INSL6: variants seen among roughly 807,000 people sequenced by gnomAD.
INSL6 encodes the protein insulin-like peptide INSL6.
In INSL6, 16 loss-of-function variants were observed where a neutral mutation model predicts 9.4. The observed-to-expected ratio is 1.70, with a 90% CI of 1.15 to 2.59. The LOEUF (loss-of-function observed/expected upper bound fraction) is 2.59, where lower values mean the gene tolerates loss of function less well. INSL6 is among the 30% of genes most tolerant of loss of function. INSL6 has a pLI of 0.00. For synonymous variants in INSL6, 154 were observed against 96.9 expected, an observed-to-expected ratio of 1.59 and a Z score of -3.46; for missense variants, 391 against 257.3, an observed-to-expected ratio of 1.52 and a Z score of -3.56.
the INSL6 span, among the ~76,000 whole-genome samples, chr9:5,009,170 G>A: frequency 6.6e-6 from 1 of 152,212 alleles, no homozygotes; most frequent in African/African-American, 2.4e-5. Context: ...TGGAATGGAT[G>A]AGCAAATTGG....
chr9:5,155,379 G>A (rs1037135576), intron 2 of INSL6, among the ~76,000 whole-genome samples: 1 of 150,290 alleles, frequency 6.7e-6, no homozygotes, highest in Non-Finnish European at 1.5e-5. Flanking sequence ...AATGTTAAAT[G>A]ATGAGTTAAT....
At chr9:5,034,611 A>C in the INSL6 span, among the ~76,000 whole-genome samples, 2 of 152,230 alleles carry the variant, frequency 1.3e-5, no homozygotes, top group South Asian at 2.1e-4. Context: ...ACTACATGGA[A>C]ACTGAACAAC....
At chr9:5,103,221 C>CAAAAAAAAAAAAAAAA in the INSL6 span, among the ~76,000 whole-genome samples, 5 of 6,872 alleles carry the variant, frequency 7.3e-4, 1 homozygote, top group African/African-American at 1.2e-3. Flanking sequence ...AAAGGGAAAG[C>CAAAAAAAAAAAAAAAA]AAAAAAAAAA....
the INSL6 span, chr9:5,050,662 T>G: frequency 6.2e-7 from 1 of 1,602,140 alleles, no homozygotes; most frequent in Admixed American, 1.7e-5. Context: ...CGATGAGATA[T>G]TTCCTTCAAA....
the INSL6 span, chr9:5,110,218 T>C: frequency 2.0e-5 from 3 of 152,206 alleles, no homozygotes; most frequent in Non-Finnish European, 4.4e-5. Context: ...TCCAGCACTA[T>C]AGTTGTAGCA....
At chr9:5,069,330 A>G in the INSL6 span, 1 of 634,658 alleles carries the variant, frequency 1.6e-6, no homozygotes, top group African/African-American at 1.9e-5. Context: ...AGTTAATTTT[A>G]TCTTATTCTA....
At chr9:5,093,765 A>G in the INSL6 span, among the ~76,000 whole-genome samples, 1 of 152,278 alleles carries the variant, frequency 6.6e-6, no homozygotes, top group South Asian at 2.1e-4. Flanking sequence ...TATCATATCA[A>G]TAATAGGGTT....
the INSL6 span, chr9:5,050,817 C>T: frequency 6.2e-7 from 1 of 1,613,216 alleles, no homozygotes; most frequent in African/African-American, 1.3e-5. Flanking sequence ...CACTGGCCAT[C>T]TATAACTCTA....
the INSL6 span, among the ~76,000 whole-genome samples, chr9:4,998,260 TTTG>T: frequency 9.2e-5 from 14 of 152,030 alleles, no homozygotes; most frequent in Admixed American, 2.0e-4. Flanking sequence ...AACGGGTTTT[TTTG>T]TTGTTGTTGT....
In INSL6 at chr9:5,164,178, C is replaced by G; in HGVS notation, c.377G>C (p.Gly126Ala). The G allele has an allele frequency of 2.5e-6, 4 of 1,607,512 alleles. No homozygotes were observed. Among genetic ancestry groups the G allele is most frequent in the Non-Finnish European group, 3.4e-6 (4 of 1,177,342 alleles). The change falls in exon 2 of 2, where the codon GGT becomes GCT. Residue 126 changes from glycine to alanine, a missense_variant. By Grantham distance (60) the Gly-to-Ala change is moderately conservative (BLOSUM62 0). Transcript: ENST00000381641. ...YKDKKGYSPL[G>A]KTREFSSSHN... ...TGATGAAGAAAATTCTCTTGTCTTACCAAGGGGTGAATATCCCTTTTTATC... is the reference window on the plus strand; with the variant it reads ...TGATGAAGAAAATTCTCTTGTCTTAGCAAGGGGTGAATATCCCTTTTTATC...
At chr9:5,122,893 A>C, downstream of INSL6, 5 of 644,618 alleles carry the variant, frequency 7.8e-6, no homozygotes, top group Non-Finnish European at 1.3e-5. Context: ...CTGCTGTGAT[A>C]ACTCTTTTCT....
At chr9:5,142,263 G>A (rs187685814) in intron 2 of INSL6, among the ~76,000 whole-genome samples, 3 of 152,248 alleles carry the variant, frequency 2.0e-5, no homozygotes, top group Non-Finnish European at 2.9e-5. Context: ...GTCAATGGTA[G>A]CTTAACAGGT....
the INSL6 span, among the ~76,000 whole-genome samples, chr9:5,034,098 C>T: frequency 9.2e-5 from 14 of 152,154 alleles, no homozygotes; most frequent in African/African-American, 3.1e-4. Flanking sequence ...ATCCTAGTCT[C>T]GGATAAAACA....
At chr9:5,042,599 A>AGGCCCAGCCCC in the INSL6 span, among the ~76,000 whole-genome samples, 59,208 of 151,718 alleles carry the variant, frequency 0.39, 13,667 homozygotes, top group African/African-American at 0.65. Context: ...CCCAGGGCTG[A>AGGCCCAGCCCC]GGCCCAGCCA....
chr9:5,010,549 G>T, the INSL6 span, among the ~76,000 whole-genome samples: 1 of 152,140 alleles, frequency 6.6e-6, no homozygotes, highest in Non-Finnish European at 1.5e-5. Flanking sequence ...TCGAACTCCT[G>T]ACCTCAGGTG....
the INSL6 span, chr9:5,044,657 A>T: frequency 1.9e-6 from 1 of 525,508 alleles, no homozygotes; most frequent in Non-Finnish European, 3.3e-6. Flanking sequence ...GAGAAGTAAC[A>T]AAATTGAGTC....
the INSL6 span, chr9:5,072,631 G>GT: frequency 1.3e-6 from 2 of 1,584,714 alleles, no homozygotes; most frequent in Non-Finnish European, 1.7e-6. Flanking sequence ...TCAGAGGTGT[G>GT]TATGTTCTTT....
chr9:5,099,832 A>G, the INSL6 span: 1 of 152,172 alleles, frequency 6.6e-6, no homozygotes, highest in African/African-American at 2.4e-5. Flanking sequence ...CCATTCATTT[A>G]CACCAACTAT....
rs1825562054 is a variant in INSL6, at chr9:5,185,638, A to G, written c.-36T>C. The G allele has an allele frequency of 2.5e-6, 4 of 1,580,874 alleles. No homozygotes were observed. The East Asian group carries it at 6.9e-5, about 27-fold the overall frequency. On this transcript the variant is annotated 5_prime_UTR_variant, in exon 1 of 2. Coordinates refer to ENST00000381641, the MANE Select transcript of INSL6 (RefSeq NM_007179.3). The stretch of plus-strand genomic sequence containing the variant: ...CCAGGCTAGTCCTCCGCGTTGTGCA[A>G]TGGCGGTCGGCCGGACCCTGCTCCC...
Sources: gnomAD v4.1 joint callset for allele counts (sites outside exome capture counted in the v4.1 genomes callset) on GRCh38, gnomAD v4.1.1 for gene constraint, MANE v1.5 for transcripts, NCBI Gene and HGNC (gene_info 2026-07-23, HGNC 2026-07-21) for gene names.